The following SERPINB8 variants were observed in gnomAD, a reference collection of about 807,000 sequenced individuals.
The protein encoded by SERPINB8 is serpin B8.
In SERPINB8, 25 loss-of-function variants were observed where a neutral mutation model predicts 35.3. That is an observed-to-expected ratio of 0.71 (90% CI 0.52 to 0.99). The LOEUF is 0.99. Ranked by LOEUF, SERPINB8 falls within the 50% of genes least tolerant of loss-of-function variation. SERPINB8 has a pLI of 0.00. For missense variants in SERPINB8, 484 were observed against 446.5 expected, an observed-to-expected ratio of 1.08 and a Z score of -0.76; for synonymous variants, 186 against 160.8, an observed-to-expected ratio of 1.16 and a Z score of -1.19.
chr18:63,984,562 G>T (rs186695482), intron 5 of SERPINB8, among the ~76,000 whole-genome samples: 6 of 152,298 alleles, frequency 3.9e-5, no homozygotes, highest in Admixed American at 3.9e-4. Flanking sequence ...ATTGCACAAA[G>T]ATATGAAAGT....
chr18:64,011,727 C>T (rs868602762), intron 7 of SERPINB8, among the ~76,000 whole-genome samples: 1 of 152,070 alleles, frequency 6.6e-6, no homozygotes, highest in Non-Finnish European at 1.5e-5. Flanking sequence ...AATGGTGATG[C>T]AATAGTTGAT....
downstream of SERPINB8, among the ~76,000 whole-genome samples, chr18:64,007,504 G>C (rs1468861876): frequency 1.3e-5 from 2 of 152,168 alleles, no homozygotes; most frequent in African/African-American, 4.8e-5. Context: ...TTTGATACCT[G>C]TATTAGTCCG....
downstream of SERPINB8, among the ~76,000 whole-genome samples, chr18:63,990,540 AG>A (rs2050819579): frequency 6.6e-6 from 1 of 150,522 alleles, no homozygotes; most frequent in Non-Finnish European, 1.5e-5. Context: ...CTATACTTTA[AG>A]TTTTAGGGTA....
At chr18:64,019,493 C>G (rs1449121185) in exon 8 of SERPINB8, 2 of 152,202 alleles carry the variant, frequency 1.3e-5, no homozygotes, top group Admixed American at 1.3e-4. Flanking sequence ...TCACAGAAAT[C>G]TAATTGAACA....
At chr18:63,979,077 A>G (rs2050628557) in intron 2 of SERPINB8, among the ~76,000 whole-genome samples, 1 of 152,222 alleles carries the variant, frequency 6.6e-6, no homozygotes, top group South Asian at 2.1e-4. Context: ...TAATTGCCAA[A>G]TGGATATCAT....
chr18:63,984,080 C>T (rs2050713977), intron 5 of SERPINB8, among the ~76,000 whole-genome samples: 1 of 152,220 alleles, frequency 6.6e-6, no homozygotes, highest in African/African-American at 2.4e-5. Flanking sequence ...CTCCTGGCCT[C>T]AAGTGATACA....
chr18:63,994,765 G>C (rs1338383553), intron 1 of SERPINB8, among the ~76,000 whole-genome samples: 10 of 152,116 alleles, frequency 6.6e-5, no homozygotes, highest in Admixed American at 6.5e-4. Context: ...TGAGGGGCTG[G>C]GGGAAGCAGA....
chr18:63,996,127 T>C (rs2050848048), intron 1 of SERPINB8, among the ~76,000 whole-genome samples: 1 of 152,202 alleles, frequency 6.6e-6, no homozygotes, highest in Admixed American at 6.5e-5. Flanking sequence ...CAGATAACTG[T>C]AATTTTCTTG....
At chr18:63,973,051 T>C (rs547838915) in intron 1 of SERPINB8, among the ~76,000 whole-genome samples, 1 of 152,338 alleles carries the variant, frequency 6.6e-6, no homozygotes, top group South Asian at 2.1e-4. Context: ...TTCTAGATCC[T>C]TGAGGAATCG....
intron 1 of SERPINB8, among the ~76,000 whole-genome samples, chr18:63,973,745 T>C (rs1469810409): frequency 6.6e-6 from 1 of 152,226 alleles, no homozygotes. Context: ...AAATAGGGAA[T>C]CCGTTCTCCA....
intron 1 of SERPINB8, among the ~76,000 whole-genome samples, chr18:63,994,976 C>G (rs587274): frequency 1.3e-5 from 2 of 151,892 alleles, no homozygotes; most frequent in South Asian, 4.1e-4. Context: ...GATGACTATC[C>G]GGCGCCCTCT....
chr18:63,995,533 G>A (rs1298613594), intron 1 of SERPINB8, among the ~76,000 whole-genome samples: 2 of 152,168 alleles, frequency 1.3e-5, no homozygotes, highest in Non-Finnish European at 1.5e-5. Context: ...TCCCATGACT[G>A]CATGTGTTCT....
chr18:63,976,643 A>C (rs1025053081), intron 1 of SERPINB8, among the ~76,000 whole-genome samples: 1 of 152,250 alleles, frequency 6.6e-6, no homozygotes, highest in Non-Finnish European at 1.5e-5. Context: ...GAAAGGGCCT[A>C]GAGGCAGGAG....
chr18:63,974,955 T>C (rs1340981096), intron 1 of SERPINB8, among the ~76,000 whole-genome samples: 1 of 151,826 alleles, frequency 6.6e-6, no homozygotes, highest in Admixed American at 6.6e-5. Context: ...AGTGGGGACA[T>C]GAGATGAAGG....
At position 63,988,493 on chromosome 18, in the gene SERPINB8, A is replaced by G. The variant is rs1393909114; in HGVS notation, c.*1215A>G. On this transcript the variant is annotated 3_prime_UTR_variant, in exon 7 of 7. Transcript: ENST00000397985. Reference sequence around the variant, plus strand: ...CTTAATATATTTTTTAAAATTCCTAACAATAGTACTGTTGAGATAAAAGTT... The same window carrying G: ...CTTAATATATTTTTTAAAATTCCTAGCAATAGTACTGTTGAGATAAAAGTT... 2 of 152,216 alleles carry G rather than the reference A, an allele frequency of 1.3e-5. No homozygotes were observed. The highest frequency in any genetic ancestry group is 4.8e-5 in the African/African-American group (2 of 41,446). 9.4% of individuals were successfully genotyped at this position (152,216 alleles called of 1,614,324 possible).
intron 4 of SERPINB8, among the ~76,000 whole-genome samples, chr18:63,982,887 T>C (rs2050693616): frequency 6.6e-6 from 1 of 152,112 alleles, no homozygotes; most frequent in African/African-American, 2.4e-5. Context: ...CAACTCAATT[T>C]GGGCCCCTCT....
rs150242430 is a variant in SERPINB8 at position 63,986,461 on chromosome 18, A to G, written c.721-413A>G. 17 of 1,396,022 alleles carry G rather than the reference A, an allele frequency of 1.2e-5. No homozygotes were observed. In the East Asian group the frequency reaches 4.2e-4, roughly 35 times the overall value. 86.5% of individuals were successfully genotyped at this position (1,396,022 alleles called of 1,614,324 possible). A position where few individuals can be genotyped will look rare whatever the true frequency, so the allele number is the denominator to read the frequency against. On this transcript the variant is annotated intron_variant, in intron 6 of 6. Transcript: ENST00000397985. ...TTTAACCCTGAATAGTCCCCTCATT[A>G]GACTCAGAAGCAGAGTTCTGAGCCA...
At chr18:64,011,807 A>G (rs2050927112) in intron 7 of SERPINB8, among the ~76,000 whole-genome samples, 1 of 152,192 alleles carries the variant, frequency 6.6e-6, no homozygotes, top group South Asian at 2.1e-4. Flanking sequence ...AGCAATGCCC[A>G]TGCTTTATAG....
At chr18:64,009,152 T>C (rs1236767610), downstream of SERPINB8, among the ~76,000 whole-genome samples, 1 of 152,162 alleles carries the variant, frequency 6.6e-6, no homozygotes, top group Non-Finnish European at 1.5e-5. Flanking sequence ...TAAGCAAGAT[T>C]GTTATGTTGA....
Sources: allele counts gnomAD v4.1 joint callset (sites outside exome capture counted in the v4.1 genomes callset), GRCh38; gene constraint gnomAD v4.1.1; transcripts MANE v1.5; gene names NCBI Gene and HGNC (gene_info 2026-07-23, HGNC 2026-07-21).